The following AADACL3 variants were observed in gnomAD, a reference collection of about 807,000 sequenced individuals.
AADACL3 encodes the protein arylacetamide deacetylase-like 3.
Under a neutral mutation model 13.6 loss-of-function variants are expected in AADACL3, and 13 were observed. The ratio of observed to expected loss-of-function variants is 0.95; its 90% confidence interval spans 0.62 to 1.52. The LOEUF is 1.52. Among genes scored for constraint, AADACL3 ranks in the 40% most tolerant of loss-of-function variants. The pLI is 0.00. For missense variants in AADACL3, 519 were observed against 499.2 expected, an observed-to-expected ratio of 1.04 and a Z score of -0.38; for synonymous variants, 195 against 197.0, an observed-to-expected ratio of 0.99 and a Z score of 0.08.
intron 1 of AADACL3, among the ~76,000 whole-genome samples, chr1:12,719,069 C>T (rs574266967): frequency 3.3e-5 from 5 of 152,316 alleles, no homozygotes; most frequent in South Asian, 2.1e-4. Context: ...GCTACACAGG[C>T]TTGGGGTGGC....
chr1:12,717,530 T>C (rs559559365), intron 1 of AADACL3, among the ~76,000 whole-genome samples: 26 of 152,296 alleles, frequency 1.7e-4, no homozygotes, highest in African/African-American at 5.5e-4. Flanking sequence ...TATGCAAAGA[T>C]GTGTTATGCA....
intron 1 of AADACL3, among the ~76,000 whole-genome samples, chr1:12,718,364 A>G (rs1284545942): frequency 1.3e-5 from 2 of 150,864 alleles, no homozygotes; most frequent in Non-Finnish European, 3.0e-5. Context: ...CTCTCCAAAA[A>G]AAAAAAAAAA....
chr1:12,726,050 C>T lies in AADACL3; in HGVS notation c.*54C>T. On this transcript the variant is annotated 3_prime_UTR_variant, in exon 4 of 4. Transcript: ENST00000359318. ...TGTGGATTCCACTGGCATCCAGCCT[C>T]CCACAGGGCTCTCTGTTGCTGATTT... 2 of 1,544,898 alleles carry T rather than the reference C, an allele frequency of 1.3e-6. No homozygotes were observed. Among genetic ancestry groups the T allele is most frequent in the African/African-American group, 1.4e-5 (1 of 73,074 alleles).
Position 12,728,293 on chromosome 1 carries a change from A to G in AADACL3, c.*2297A>G, listed in dbSNP as rs1489041422. 1 of 152,206 alleles carries G rather than the reference A, an allele frequency of 6.6e-6. No homozygotes were observed. Among genetic ancestry groups the G allele is most frequent in the East Asian group, 1.9e-4 (1 of 5,196 alleles). The allele number at this position is 152,206 out of a possible 1,614,324, so 9.4% of individuals were successfully genotyped here. A position where few individuals can be genotyped will look rare whatever the true frequency, so the allele number is the denominator to read the frequency against. On this transcript the variant is annotated 3_prime_UTR_variant, in exon 4 of 4. Transcript: ENST00000359318. ...AATCTTACAGAGTAGGTACAGACAT[A>G]CCTATGGATATTGCAGATTCAGTTC... is the stretch of plus-strand genomic sequence containing the variant.
intron 2 of AADACL3, among the ~76,000 whole-genome samples, chr1:12,720,513 A>G (rs1648552070): frequency 6.6e-6 from 1 of 152,188 alleles, no homozygotes; most frequent in South Asian, 2.1e-4. Flanking sequence ...CAGATGAGGA[A>G]ATCAAGCCTC....
chr1:12,725,930 C>T lies in AADACL3; in HGVS notation c.1158C>T (p.Ser386=), dbSNP rs372059200. 36 of 1,614,132 alleles carry T rather than the reference C, an allele frequency of 2.2e-5. No homozygotes were observed. The African/African-American group carries it at 4.3e-4, about 19-fold the overall frequency. ...GAGTGCTCAGGACCATTGACATGAG[C>T]TTCTTGCACTTTCCCTGCTCCATGA... ...FHGVLRTIDM[S]FLHFPCSMRI... is the part of the protein sequence containing the mutation. Residue 386 remains serine (S), a synonymous_variant, in exon 4 of 4, where the codon AGC becomes AGT. Coordinates refer to ENST00000359318, the MANE Select transcript of AADACL3 (RefSeq NM_001103170.3).
intron 1 of AADACL3, among the ~76,000 whole-genome samples, chr1:12,717,388 G>A (rs1220855838): frequency 6.6e-6 from 1 of 152,240 alleles, no homozygotes; most frequent in African/African-American, 2.4e-5. Context: ...AGGGAAAATT[G>A]CTCCTACTTC....
At position 12,725,308 on chromosome 1, in the gene AADACL3, C is replaced by T. The variant is rs1249926933; in HGVS notation, c.536C>T (p.Ala179Val). ...ATCCACTTCCTGAAGTCCCTGGATG[C>T]ATATGGAGTGGATCCAGCCCGGGTT... ...ATIHFLKSLD[A>V]YGVDPARVVV... The change falls in exon 4 of 4, where the codon GCA (alanine) becomes GTA (valine). Residue 179 changes from alanine (A) to valine (V), a missense_variant. Physicochemically the swap from Ala to Val is moderately conservative, Grantham distance 64 (BLOSUM62 0). Transcript: ENST00000359318. The T allele has an allele frequency of 6.2e-7, 1 of 1,613,976 alleles. No individual in the cohort carries two copies. The highest frequency in any genetic ancestry group is 1.3e-5 in the African/African-American group (1 of 74,880).
chr1:12,722,535 CT>C (rs1186539897), intron 3 of AADACL3, among the ~76,000 whole-genome samples: 4 of 151,620 alleles, frequency 2.6e-5, no homozygotes, highest in Non-Finnish European at 5.9e-5. Context: ...CCAGAAAGTT[CT>C]TTTCTAAATC....
chr1:12,719,528 C>T lies in AADACL3; in HGVS notation c.222C>T (p.Phe74=). Reference sequence around the variant, plus strand: ...GTTCTATGCCCCAATTTTTCTGTTTCATGCAAGATCTGCCTCCGCTAAAGT... The same window carrying T: ...GTTCTATGCCCCAATTTTTCTGTTTTATGCAAGATCTGCCTCCGCTAAAGT... ...RICSMPQFFC[F]MQDLPPLKYD... The change falls in exon 2 of 4, where the codon TTC becomes TTT. Residue 74 remains phenylalanine, a synonymous_variant. Transcript: ENST00000359318. 6.2e-7 allele frequency: 1 copy of T among 1,614,164 alleles called. No homozygotes were observed. Among genetic ancestry groups the T allele is most frequent in the Non-Finnish European group, 8.5e-7 (1 of 1,180,014 alleles).
chr1:12,719,020 C>G (rs750830223), intron 1 of AADACL3, among the ~76,000 whole-genome samples: 2 of 152,298 alleles, frequency 1.3e-5, no homozygotes, highest in East Asian at 3.9e-4. Context: ...TATGAACTCC[C>G]CCTTCCTGTT....
chr1:12,719,019 C>T (rs866451535), intron 1 of AADACL3, among the ~76,000 whole-genome samples: 1 of 152,176 alleles, frequency 6.6e-6, no homozygotes, highest in Admixed American at 6.5e-5. Flanking sequence ...ATATGAACTC[C>T]CCCTTCCTGT....
In AADACL3 at chr1:12,716,290, C is replaced by T. The variant is rs370828009; in HGVS notation, c.114C>T (p.Gly38=). ...FFTVHIPAAV[G]HPVKLRVLHC... ...CTGTGCACATCCCTGCAGCGGTTGG[C>T]CACCCTGTGAAACTGAGAGTCCTCC... is the stretch of plus-strand genomic sequence containing the variant. Residue 38 remains glycine (G), a synonymous_variant, in exon 1 of 4, where the codon GGC becomes GGT. Coordinates refer to ENST00000359318, the MANE Select transcript of AADACL3 (RefSeq NM_001103170.3). 1.2e-6 allele frequency: 2 copies of T among 1,613,796 alleles called. No homozygotes were observed. Among genetic ancestry groups the T allele is most frequent in the Non-Finnish European group, 1.7e-6 (2 of 1,179,728 alleles).
intron 3 of AADACL3, 28 bp from the exon 4 acceptor site, chr1:12,725,194 T>G: frequency 6.4e-7 from 1 of 1,564,512 alleles, no homozygotes; most frequent in Non-Finnish European, 8.6e-7. Flanking sequence ...CGGGGCGTTA[T>G]CAACTGTGTT....
At chr1:12,717,558 G>A (rs1307875347) in intron 1 of AADACL3, among the ~76,000 whole-genome samples, 1 of 152,104 alleles carries the variant, frequency 6.6e-6, no homozygotes, top group African/African-American at 2.4e-5. Flanking sequence ...TGTGTCCTAC[G>A]CCAGTCCTGG....
chr1:12,716,716 A>T (rs545934222), intron 1 of AADACL3, among the ~76,000 whole-genome samples: 1 of 152,166 alleles, frequency 6.6e-6, no homozygotes, highest in African/African-American at 2.4e-5. Flanking sequence ...CATCTTTCGC[A>T]TTTTTAAGTG....
At chr1:12,724,916 G>C (rs1056770648) in intron 3 of AADACL3, among the ~76,000 whole-genome samples, 1 of 152,196 alleles carries the variant, frequency 6.6e-6, no homozygotes, top group Non-Finnish European at 1.5e-5. Flanking sequence ...GAGCAGGTGA[G>C]TCAGGGAAGC....
At chr1:12,724,302 G>GACATACAC (rs1314354139) in intron 3 of AADACL3, among the ~76,000 whole-genome samples, 1 of 152,108 alleles carries the variant, frequency 6.6e-6, no homozygotes, top group African/African-American at 2.4e-5. Context: ...ACATGCTCAT[G>GACATACAC]AATGTAACAT....
At position 12,722,326 on chromosome 1, in the gene AADACL3, G is replaced by GA. The variant is rs564374343; in HGVS notation, c.449+1403dup. On this transcript the variant is annotated intron_variant, in intron 3 of 3. Transcript: ENST00000359318. The stretch of plus-strand genomic sequence containing the variant: ...TGGGTGACAGAGTGAGATTCCGTCT[G>GA]AAAAAAAAAAAAAAAAAAAAAAATG... Among the ~76,000 whole-genome samples, 723 of 73,644 alleles carry GA rather than the reference G, an allele frequency of 9.8e-3. 3 individuals carry two copies. Among genetic ancestry groups the GA allele is most frequent in the African/African-American group, 0.026 (445 of 16,942 alleles). The allele number at this position is 73,644 out of a possible 152,430, so 48.3% of individuals were successfully genotyped here. A position where few individuals can be genotyped will look rare whatever the true frequency, so the allele number is the denominator to read the frequency against.
Sources: allele counts gnomAD v4.1 joint callset (sites outside exome capture counted in the v4.1 genomes callset), GRCh38; gene constraint gnomAD v4.1.1; transcripts MANE v1.5; gene names NCBI Gene and HGNC (gene_info 2026-07-23, HGNC 2026-07-21).